CSMD1: variants seen among roughly 807,000 people sequenced by gnomAD.
CSMD1 encodes CUB and Sushi multiple domains 1, also known as CUB and sushi domain-containing protein 1.
Under a neutral mutation model 417.5 loss-of-function variants are expected in CSMD1, and 213 were observed. That is an observed-to-expected ratio of 0.51 (90% CI 0.46 to 0.57). The LOEUF (loss-of-function observed/expected upper bound fraction) is 0.57. Among genes scored for constraint, CSMD1 ranks in the 20% least tolerant of loss-of-function variants. CSMD1 has a pLI of 0.00. For missense variants in CSMD1, 6,923 were observed against 4,529.7 expected (o/e 1.53, Z -15.17); for synonymous variants, 2,862 against 1,736.8 (o/e 1.65, Z -16.11).
At chr8:4,570,031 T>C (rs1413811886) in intron 2 of CSMD1, among the ~76,000 whole-genome samples, 1 of 152,136 alleles carries the variant, frequency 6.6e-6, no homozygotes, top group African/African-American at 2.4e-5. Context: ...GCTTAAGGAC[T>C]TTTTGGACTG....
At chr8:3,756,929 A>G (rs1797691234) in intron 5 of CSMD1, among the ~76,000 whole-genome samples, 1 of 151,998 alleles carries the variant, frequency 6.6e-6, no homozygotes, top group Non-Finnish European at 1.5e-5. Flanking sequence ...TGGAGTAGCT[A>G]GAGCTATATG....
At chr8:4,071,640 C>A (rs867224553) in intron 3 of CSMD1, among the ~76,000 whole-genome samples, 3 of 152,026 alleles carry the variant, frequency 2.0e-5, no homozygotes, top group Non-Finnish European at 4.4e-5. Context: ...TTTAAACTAG[C>A]TGAAATATGT....
At chr8:3,594,204 C>A (rs909724576) in intron 8 of CSMD1, among the ~76,000 whole-genome samples, 7 of 152,182 alleles carry the variant, frequency 4.6e-5, no homozygotes, top group Non-Finnish European at 1.0e-4. Context: ...TCCCCAAATG[C>A]ACCAGACATG....
intron 23 of CSMD1, among the ~76,000 whole-genome samples, chr8:3,342,009 G>T (rs1162595311): frequency 6.6e-6 from 1 of 152,288 alleles, no homozygotes; most frequent in East Asian, 1.9e-4. Flanking sequence ...GGAAATCCTG[G>T]AAGGTAAAAT....
chr8:4,245,299 C>G (rs1469707987), intron 3 of CSMD1, among the ~76,000 whole-genome samples: 3 of 152,132 alleles, frequency 2.0e-5, no homozygotes, highest in South Asian at 2.1e-4. Flanking sequence ...ACAACAAACA[C>G]TGCATAAAAG....
At chr8:3,045,907 C>A (rs1811402190) in intron 50 of CSMD1, among the ~76,000 whole-genome samples, 1 of 152,202 alleles carries the variant, frequency 6.6e-6, no homozygotes, top group African/African-American at 2.4e-5. Flanking sequence ...CTATTGGAAG[C>A]AAGAGTGGAA....
At chr8:2,993,810 T>C (rs2128950009) in intron 54 of CSMD1, among the ~76,000 whole-genome samples, 1 of 152,104 alleles carries the variant, frequency 6.6e-6, no homozygotes, top group Non-Finnish European at 1.5e-5. Context: ...GGCCTGGAGT[T>C]ACTCCCCTGC....
At chr8:4,809,689 T>C (rs1180608881) in intron 1 of CSMD1, among the ~76,000 whole-genome samples, 4 of 152,238 alleles carry the variant, frequency 2.6e-5, no homozygotes, top group Non-Finnish European at 5.9e-5. Context: ...AAAACTGAGT[T>C]TGATATCTAG....
chr8:4,973,045 G>T (rs571605208), intron 1 of CSMD1, among the ~76,000 whole-genome samples: 1 of 152,058 alleles, frequency 6.6e-6, no homozygotes, highest in East Asian at 1.9e-4. Flanking sequence ...TAGTAAAGAA[G>T]GTAAAATAAT....
At chr8:4,543,713 T>C (rs1797508805) in intron 2 of CSMD1, among the ~76,000 whole-genome samples, 1 of 141,270 alleles carries the variant, frequency 7.1e-6, no homozygotes, top group African/African-American at 2.6e-5. Context: ...CACACCAAAG[T>C]GTCTTCCAAA....
At chr8:4,938,066 A>T (rs1404922629) in intron 1 of CSMD1, among the ~76,000 whole-genome samples, 2 of 152,182 alleles carry the variant, frequency 1.3e-5, no homozygotes, top group Non-Finnish European at 2.9e-5. Context: ...ATTAATTTCC[A>T]AATGATTAAA....
intron 3 of CSMD1, among the ~76,000 whole-genome samples, chr8:4,152,471 T>G (rs2131059697): frequency 6.6e-6 from 1 of 151,798 alleles, no homozygotes; most frequent in South Asian, 2.1e-4. Flanking sequence ...GCCCAGCAGT[T>G]TGGGCCAAGG....
intron 3 of CSMD1, among the ~76,000 whole-genome samples, chr8:4,392,775 C>G (rs1007748559): frequency 2.6e-5 from 4 of 151,670 alleles, no homozygotes; most frequent in African/African-American, 9.7e-5. Flanking sequence ...TGAGAACATC[C>G]TGGCCAACAT....
At chr8:4,136,636 G>T (rs1024975900) in intron 3 of CSMD1, among the ~76,000 whole-genome samples, 8 of 152,316 alleles carry the variant, frequency 5.3e-5, no homozygotes, top group African/African-American at 1.9e-4. Context: ...TAAAAATAGT[G>T]AGACAGCATT....
At chr8:4,387,262 T>C (rs1463236804) in intron 3 of CSMD1, among the ~76,000 whole-genome samples, 2 of 152,200 alleles carry the variant, frequency 1.3e-5, no homozygotes, top group Non-Finnish European at 2.9e-5. Flanking sequence ...TTTCTTAAGC[T>C]ATAGGAGCAG....
intron 3 of CSMD1, among the ~76,000 whole-genome samples, chr8:4,174,979 G>C (rs940494540): frequency 2.6e-5 from 4 of 151,250 alleles, no homozygotes; most frequent in Admixed American, 6.6e-5. Flanking sequence ...GGCTCTTTGA[G>C]ATACTTGCTG....
intron 3 of CSMD1, among the ~76,000 whole-genome samples, chr8:4,401,182 T>G (rs1339171998): frequency 1.3e-5 from 2 of 152,136 alleles, no homozygotes; most frequent in Non-Finnish European, 2.9e-5. Context: ...CCATCCAAAT[T>G]AAGAGAAAAA....
At chr8:3,393,204 G>T (rs1056244629) in intron 17 of CSMD1, among the ~76,000 whole-genome samples, 1 of 152,152 alleles carries the variant, frequency 6.6e-6, no homozygotes, top group Non-Finnish European at 1.5e-5. Context: ...CTATATGCAA[G>T]TCTAGATGTG....
chr8:3,938,725 T>C (rs1470963862), intron 5 of CSMD1, among the ~76,000 whole-genome samples: 1 of 152,198 alleles, frequency 6.6e-6, no homozygotes, highest in East Asian at 1.9e-4. Context: ...CAAACATAAG[T>C]TGTTTTCCTC....
Sources: gnomAD v4.1 joint callset for allele counts (sites outside exome capture counted in the v4.1 genomes callset) on GRCh38, gnomAD v4.1.1 for gene constraint, MANE v1.5 for transcripts, NCBI Gene and HGNC (gene_info 2026-07-23, HGNC 2026-07-21) for gene names.